Variants in ECT2 observed in about 807,000 individuals in gnomAD.
ECT2 encodes epithelial cell transforming 2.
A neutral mutation model predicts 116.9 loss-of-function variants in ECT2; 61 were observed. The ratio of observed to expected loss-of-function variants is 0.52; its 90% confidence interval spans 0.42 to 0.65. The LOEUF is 0.65. Among genes scored for constraint, ECT2 ranks in the 30% least tolerant of loss-of-function variants. The pLI, the probability that ECT2 is intolerant of heterozygous loss-of-function variation, is 0.00. For missense variants in ECT2, 937 were observed against 1,078.7 expected, an observed-to-expected ratio of 0.87 and a Z score of 1.84; for synonymous variants, 358 against 346.4, an observed-to-expected ratio of 1.03 and a Z score of -0.37.
chr3:172,794,264 T>G (rs931978151), intron 18 of ECT2, among the ~76,000 whole-genome samples: 1 of 152,238 alleles, frequency 6.6e-6, no homozygotes, highest in Non-Finnish European at 1.5e-5. Flanking sequence ...TGATCCATTT[T>G]GAGTTAATTT....
At chr3:172,819,585 A>G (rs1012068873) in intron 24 of ECT2, among the ~76,000 whole-genome samples, 3 of 152,058 alleles carry the variant, frequency 2.0e-5, no homozygotes, top group Admixed American at 6.6e-5. Flanking sequence ...GCCTTAAGCA[A>G]TCCTCCCACA....
chr3:172,759,442 TTTTTA>T lies in ECT2; in HGVS notation c.576+383_576+387del, dbSNP rs542987286. ...GAATTCATAGAAAGTTCCTTTTTTATTTTTATTTTATTTTTTTTGAGACAAGTCTT... is the reference window on the plus strand; with the variant it reads ...GAATTCATAGAAAGTTCCTTTTTTATTTTTATTTTTTTTGAGACAAGTCTT... On this transcript the variant is annotated intron_variant, in intron 6 of 24. Transcript: ENST00000392692. Among the ~76,000 whole-genome samples the T allele has an allele frequency of 4.0e-3, 604 of 151,880 alleles. 3 individuals are homozygous for T. Among genetic ancestry groups the T allele is most frequent in the African/African-American group, 0.014 (580 of 41,180 alleles).
chr3:172,817,828 AGAT>A (rs1466301765), intron 24 of ECT2, among the ~76,000 whole-genome samples: 1 of 152,084 alleles, frequency 6.6e-6, no homozygotes, highest in Non-Finnish European at 1.5e-5. Flanking sequence ...GCATTTTTGC[AGAT>A]GATGTTATAT....
At chr3:172,818,948 C>A in intron 24 of ECT2, 2 of 679,118 alleles carry the variant, frequency 2.9e-6, no homozygotes, top group Non-Finnish European at 1.9e-6. Context: ...GAATTAATAA[C>A]AATTTAGGTT....
intron 13 of ECT2, among the ~76,000 whole-genome samples, chr3:172,772,589 C>T (rs578201852): frequency 9.2e-5 from 14 of 152,178 alleles, no homozygotes; most frequent in African/African-American, 2.6e-4. Context: ...TAAATTCTCT[C>T]GTGTCTTTTG....
chr3:172,809,568 TACACACACACACACACACACAC>T (rs10576393), intron 22 of ECT2, among the ~76,000 whole-genome samples: 4 of 147,150 alleles, frequency 2.7e-5, no homozygotes, highest in African/African-American at 1.0e-4. Context: ...TGTGTATATC[TACACACACACACACACACACAC>T]ACACACACGC....
chr3:172,826,087 G>T (rs942205458), downstream of ECT2, among the ~76,000 whole-genome samples: 1 of 152,152 alleles, frequency 6.6e-6, no homozygotes, highest in Non-Finnish European at 1.5e-5. Context: ...TAGGGATGGG[G>T]TTTCACCATG....
intron 24 of ECT2, chr3:172,818,530 T>C (rs1730158422): frequency 8.1e-7 from 1 of 1,230,800 alleles, no homozygotes; most frequent in Non-Finnish European, 1.0e-6. Context: ...TCTCAATTGC[T>C]TGTTTCTGTT....
At chr3:172,822,941 G>A (rs1282919678), downstream of ECT2, among the ~76,000 whole-genome samples, 2 of 151,924 alleles carry the variant, frequency 1.3e-5, no homozygotes, top group African/African-American at 4.8e-5. Flanking sequence ...TACTAGAAGG[G>A]GGTAGAAAGC....
chr3:172,763,260 C>T (rs746821236), intron 11 of ECT2, among the ~76,000 whole-genome samples: 3 of 152,250 alleles, frequency 2.0e-5, no homozygotes, highest in Admixed American at 6.5e-5. Context: ...TAGATTTGTA[C>T]GTAGTTAACG....
chr3:172,759,013 A>G lies in ECT2; in HGVS notation c.520A>G (p.Thr174Ala), dbSNP rs1381962093. The G allele has an allele frequency of 6.2e-7, 1 of 1,611,834 alleles. No homozygotes were observed. The highest frequency in any genetic ancestry group is 1.7e-5 in the Admixed American group (1 of 59,396). The change falls in exon 6 of 25, where the codon ACA (threonine) becomes GCA (alanine). Residue 174 changes from threonine (T) to alanine (A), a missense_variant. Physicochemically the swap from Thr to Ala is moderately conservative, Grantham distance 58 (BLOSUM62 0). Transcript: ENST00000392692. ...ATTTTCATGTCGCCCGTTGTATTGT[A>G]CAAGTATGATGAATCTAGTACTATG... ...LPFSCRPLYC[T>A]SMMNLVLCFT...
intron 18 of ECT2, among the ~76,000 whole-genome samples, chr3:172,797,319 GC>G (rs750076519): frequency 3.9e-5 from 6 of 151,988 alleles, no homozygotes; most frequent in Non-Finnish European, 8.8e-5. Flanking sequence ...ACAAATGTAA[GC>G]CACCATGCCC....
intron 22 of ECT2, among the ~76,000 whole-genome samples, chr3:172,808,144 C>T (rs1728108957): frequency 6.6e-6 from 1 of 152,146 alleles, no homozygotes; most frequent in Non-Finnish European, 1.5e-5. Context: ...GGTAGGCCCT[C>T]ATAGTCTTAT....
In ECT2 at chr3:172,750,798, G is replaced by GT. The variant is rs1240813218; in HGVS notation, c.-81dup. The GT allele has an allele frequency of 6.5e-6, 1 of 153,100 alleles. No homozygotes were observed. The highest frequency in any genetic ancestry group is 1.5e-5 in the Non-Finnish European group (1 of 68,470). The allele number at this position is 153,100 out of a possible 1,614,324, so 9.5% of individuals were successfully genotyped here. ...TGGCGGCCGCCGGCGAGGAATGGCG[G>GT]TATTTGTGAGAGGAGTCGGCGTTTG... is the stretch of plus-strand genomic sequence containing the variant. On this transcript the variant is annotated 5_prime_UTR_variant, in exon 1 of 25. The change abolishes the stop of an existing upstream ORF in the 5' untranslated region. Coordinates refer to ENST00000392692, the MANE Select transcript of ECT2 (RefSeq NM_001258315.2).
intron 18 of ECT2, among the ~76,000 whole-genome samples, chr3:172,790,889 T>G (rs1485708656): frequency 6.6e-6 from 1 of 152,232 alleles, no homozygotes; most frequent in Non-Finnish European, 1.5e-5. Flanking sequence ...ATGCAGTGGC[T>G]CATGCCAGTA....
chr3:172,781,414 C>A (rs1427536461), intron 14 of ECT2, among the ~76,000 whole-genome samples: 3 of 152,122 alleles, frequency 2.0e-5, no homozygotes, highest in Non-Finnish European at 4.4e-5. Context: ...ATTTTAATCT[C>A]AGGGATCCCA....
chr3:172,811,417 G>A (rs949797669), intron 22 of ECT2, among the ~76,000 whole-genome samples: 1 of 152,098 alleles, frequency 6.6e-6, no homozygotes, highest in Non-Finnish European at 1.5e-5. Flanking sequence ...AGCCACTAGT[G>A]AACTAGCAAT....
chr3:172,762,831 G>A (rs1432852145), intron 10 of ECT2, 25 bp downstream of exon 10: 3 of 1,609,562 alleles, frequency 1.9e-6, no homozygotes, highest in Non-Finnish European at 2.5e-6. Context: ...AATGAGGTTG[G>A]TTTTTAAAAA....
At chr3:172,762,666 T>A (rs1250429260) in intron 9 of ECT2, 25 bp from the exon 10 acceptor site, 2 of 1,589,424 alleles carry the variant, frequency 1.3e-6, no homozygotes, top group South Asian at 2.3e-5. Context: ...TTGGCTTATT[T>A]ATGCTTATGT....
Sources: allele counts gnomAD v4.1 joint callset (sites outside exome capture counted in the v4.1 genomes callset), GRCh38; gene constraint gnomAD v4.1.1; transcripts MANE v1.5; gene names NCBI Gene and HGNC (gene_info 2026-07-23, HGNC 2026-07-21).